The following CSTF3 variants were observed in gnomAD, a reference collection of about 807,000 sequenced individuals.
CSTF3 encodes CF-1 77 kDa subunit.
CSTF3 carries 29 observed loss-of-function variants against 105.8 expected under a neutral mutation model. That is an observed-to-expected ratio of 0.27 (90% confidence interval 0.20 to 0.37). The LOEUF is 0.37. CSTF3 is among the 10% of genes least tolerant of loss of function. The pLI, the probability that CSTF3 is intolerant of heterozygous loss-of-function variation, is 1.00. For missense variants in CSTF3, 357 were observed against 879.3 expected (o/e 0.41, Z 7.51); for synonymous variants, 252 against 281.9 (o/e 0.89, Z 1.06).
intron 8 of CSTF3, 123 bp from the exon 9 acceptor site, chr11:33,103,307 A>G: frequency 4.0e-6 from 2 of 503,004 alleles, no homozygotes; most frequent in Non-Finnish European, 6.7e-6. Flanking sequence ...CTTGTTTAAT[A>G]AAGGTTCATA....
chr11:33,098,909 C>G, intron 12 of CSTF3, 125 bp downstream of exon 12: 1 of 1,390,188 alleles, frequency 7.2e-7, no homozygotes, highest in Non-Finnish European at 9.7e-7. Context: ...CAACTAATAA[C>G]TGTTCATTTG....
intron 1 of CSTF3, 130 bp from the exon 2 acceptor site, chr11:33,142,116 G>C: frequency 6.9e-7 from 1 of 1,450,398 alleles, no homozygotes; most frequent in Non-Finnish European, 9.2e-7. Context: ...TCTTATAAAA[G>C]AGAAGTGTGT....
chr11:33,121,532 G>T (rs987782960), intron 3 of CSTF3, among the ~76,000 whole-genome samples: 4 of 152,042 alleles, frequency 2.6e-5, no homozygotes, highest in African/African-American at 9.7e-5. Context: ...TTATATTTGT[G>T]ATATTTTCCA....
At chr11:33,148,435 G>A (rs779428783) in intron 1 of CSTF3, among the ~76,000 whole-genome samples, 1 of 152,138 alleles carries the variant, frequency 6.6e-6, no homozygotes, top group Non-Finnish European at 1.5e-5. Flanking sequence ...AGTGGCTCAC[G>A]CCTGTAATCC....
At chr11:33,145,675 G>A (rs866031181) in intron 1 of CSTF3, among the ~76,000 whole-genome samples, 2 of 152,126 alleles carry the variant, frequency 1.3e-5, no homozygotes, top group South Asian at 2.1e-4. Flanking sequence ...TTAGCTGGGC[G>A]TGGTGGTGGG....
At chr11:33,086,416 C>G (rs1026853247) in intron 18 of CSTF3, among the ~76,000 whole-genome samples, 2 of 151,270 alleles carry the variant, frequency 1.3e-5, no homozygotes, top group East Asian at 3.9e-4. Flanking sequence ...ACCAGCTGTT[C>G]AGGTAATCTG....
Position 33,160,089 on chromosome 11 carries a change from C to CT in CSTF3, c.27+1209dup, listed in dbSNP as rs1009760236. ...GAAACCTCAGTTCATTAGTCCTTCA[C>CT]TTTCAGATAACAAATACTAGATCAG... is the stretch of plus-strand genomic sequence containing the variant. On this transcript the variant is annotated intron_variant, in intron 1 of 20. Coordinates refer to ENST00000323959, the MANE Select transcript of CSTF3 (RefSeq NM_001326.3). Among the ~76,000 whole-genome samples the CT allele has an allele frequency of 5.9e-5, 9 of 151,746 alleles. 1 individual carries two copies. Among genetic ancestry groups the CT allele is most frequent in the Middle Eastern group, 3.4e-3 (1 of 294 alleles).
intron 3 of CSTF3, among the ~76,000 whole-genome samples, chr11:33,122,249 A>G (rs1336116611): frequency 1.3e-5 from 2 of 152,232 alleles, no homozygotes; most frequent in African/African-American, 4.8e-5. Flanking sequence ...TTAATAGAAT[A>G]TAATCCTTAT....
At position 33,096,357 on chromosome 11, in the gene CSTF3, C is replaced by A; in HGVS notation, c.1324G>T (p.Asp442Tyr). 1 of 1,601,814 alleles carries A rather than the reference C, an allele frequency of 6.2e-7. No homozygotes were observed. Among genetic ancestry groups the A allele is most frequent in the Non-Finnish European group, 8.5e-7 (1 of 1,177,594 alleles). ...TAGGCCAGGACATACTCTGGAATGT[C>A]TCCATATTTTTTTAGCCCCAGCTCA... ...IFELGLKKYGDIPEYVLAYID... is the reference protein window; with the variant it reads ...IFELGLKKYGYIPEYVLAYID... Residue 442 changes from aspartate to tyrosine, a missense_variant, in exon 15 of 21, where the codon GAC (aspartate) becomes TAC (tyrosine). Asp to Tyr is a radical substitution (Grantham distance 160). Coordinates refer to ENST00000323959, the MANE Select transcript of CSTF3 (RefSeq NM_001326.3).
chr11:33,141,772 A>T lies in CSTF3; in HGVS notation c.130-10T>A. On this transcript the variant is annotated splice_polypyrimidine_tract_variant and intron_variant, in intron 2 of 20. Coordinates refer to ENST00000323959, the MANE Select transcript of CSTF3 (RefSeq NM_001326.3). Reference sequence around the variant, plus strand: ...TGTCTATAGGTTGATTCTAAAATTGAAAACCAATAAACAGCATTTACAATG... The same window carrying T: ...TGTCTATAGGTTGATTCTAAAATTGTAAACCAATAAACAGCATTTACAATG... The T allele has an allele frequency of 6.3e-7, 1 of 1,584,656 alleles. No homozygotes were observed.
chr11:33,108,229 C>T (rs989123803), intron 4 of CSTF3, among the ~76,000 whole-genome samples, 157 bp downstream of exon 4: 1 of 151,986 alleles, frequency 6.6e-6, no homozygotes, highest in Non-Finnish European at 1.5e-5. Flanking sequence ...TTATGATGAA[C>T]ATTTTCAAGC....
intron 17 of CSTF3, among the ~76,000 whole-genome samples, chr11:33,090,185 C>CCTAA (rs1444509818): frequency 3.9e-5 from 6 of 152,058 alleles, no homozygotes; most frequent in African/African-American, 1.4e-4. Flanking sequence ...TTGATAAGAA[C>CCTAA]TATTAGGAAA....
intron 1 of CSTF3, among the ~76,000 whole-genome samples, chr11:33,154,486 ACTTT>A (rs142422500): frequency 0.47 from 51,186 of 108,138 alleles, 13,778 homozygotes; most frequent in Non-Finnish European, 0.59. Flanking sequence ...ACTCCGTAAG[ACTTT>A]CTTTTTTTTT....
intron 17 of CSTF3, among the ~76,000 whole-genome samples, chr11:33,089,487 A>C (rs1855144814): frequency 6.6e-6 from 1 of 152,070 alleles, no homozygotes; most frequent in African/African-American, 2.4e-5. Context: ...GTTTCTAAGA[A>C]CCTATCAATG....
At chr11:33,111,344 T>C (rs1461743464) in intron 3 of CSTF3, among the ~76,000 whole-genome samples, 5 of 152,272 alleles carry the variant, frequency 3.3e-5, no homozygotes, top group African/African-American at 1.2e-4. Flanking sequence ...GGGGAAATAG[T>C]TTAATAAATT....
intron 1 of CSTF3, among the ~76,000 whole-genome samples, chr11:33,157,885 C>T (rs1485870389): frequency 6.6e-6 from 1 of 152,052 alleles, no homozygotes; most frequent in African/African-American, 2.4e-5. Flanking sequence ...ATTCTTTAGT[C>T]TCATTGAGTT....
intron 1 of CSTF3, among the ~76,000 whole-genome samples, chr11:33,152,104 A>T (rs1849790460): frequency 6.6e-6 from 1 of 152,084 alleles, no homozygotes; most frequent in African/African-American, 2.4e-5. Flanking sequence ...AAATACAAAA[A>T]ATTAGCCAGG....
At chr11:33,156,432 G>A (rs1256376684) in intron 1 of CSTF3, among the ~76,000 whole-genome samples, 2 of 152,034 alleles carry the variant, frequency 1.3e-5, no homozygotes, top group African/African-American at 4.8e-5. Context: ...CAATGCTGTG[G>A]GTGTTTCAAC....
intron 1 of CSTF3, among the ~76,000 whole-genome samples, chr11:33,148,731 C>G (rs774874600): frequency 2.6e-5 from 4 of 151,802 alleles, no homozygotes; most frequent in Non-Finnish European, 5.9e-5. Context: ...GTTGGTTGCT[C>G]CTTTGGTGCC....
Sources: allele counts gnomAD v4.1 joint callset (sites outside exome capture counted in the v4.1 genomes callset), GRCh38; gene constraint gnomAD v4.1.1; transcripts MANE v1.5; gene names NCBI Gene and HGNC (gene_info 2026-07-23, HGNC 2026-07-21).